PRKG1: variants seen among roughly 807,000 people sequenced by gnomAD.
PRKG1 encodes the protein cGMP-dependent protein kinase 1.
In PRKG1, 35 loss-of-function variants were observed where a neutral mutation model predicts 88.1. The observed-to-expected ratio is 0.40, with a 90% CI of 0.30 to 0.53. The LOEUF (loss-of-function observed/expected upper bound fraction) is 0.53. PRKG1 is among the 20% of genes least tolerant of loss of function. The probability of loss-of-function intolerance (pLI) is 0.59; values close to 1 mark genes in which losing one functional copy is unlikely to be tolerated. For synonymous variants in PRKG1, 303 were observed against 292.5 expected, an observed-to-expected ratio of 1.04 and a Z score of -0.37; for missense variants, 540 against 839.8, an observed-to-expected ratio of 0.64 and a Z score of 4.41.
intron 3 of PRKG1, among the ~76,000 whole-genome samples, chr10:51,511,987 C>T (rs1841425361): frequency 2.0e-5 from 3 of 151,984 alleles, no homozygotes; most frequent in Non-Finnish European, 1.5e-5. Context: ...CTCAAATGAA[C>T]TAAAAAATAG....
chr10:51,976,294 C>A (rs1489796751), intron 5 of PRKG1, among the ~76,000 whole-genome samples: 7 of 151,952 alleles, frequency 4.6e-5, no homozygotes, highest in Admixed American at 3.9e-4. Flanking sequence ...CACACAAAAA[C>A]TTCTACATGG....
intron 4 of PRKG1, among the ~76,000 whole-genome samples, chr10:51,904,222 G>A (rs1464495163): frequency 6.6e-6 from 1 of 151,916 alleles, no homozygotes; most frequent in African/African-American, 2.4e-5. Flanking sequence ...CATGTAAATT[G>A]TTACAATAAA....
intron 2 of PRKG1, among the ~76,000 whole-genome samples, chr10:51,249,086 A>C (rs1248739678): frequency 2.6e-5 from 4 of 151,810 alleles, no homozygotes; most frequent in African/African-American, 7.2e-5. Flanking sequence ...AAACATGATA[A>C]ATTTTTTTAA....
chr10:52,260,066 G>T (rs1841397858), intron 10 of PRKG1, among the ~76,000 whole-genome samples: 1 of 151,746 alleles, frequency 6.6e-6, no homozygotes, highest in Non-Finnish European at 1.5e-5. Context: ...TTCAATGGTT[G>T]GCAGGTTCTC....
At chr10:51,616,435 T>C (rs961193737) in intron 3 of PRKG1, among the ~76,000 whole-genome samples, 1 of 152,142 alleles carries the variant, frequency 6.6e-6, no homozygotes, top group African/African-American at 2.4e-5. Context: ...CAGTGCATGC[T>C]TGTGTTGACA....
rs557411061 is a variant in PRKG1 at position 51,760,575 on chromosome 10, G to A, written c.593-44010G>A. On this transcript the variant is annotated intron_variant, in intron 3 of 17. Coordinates refer to ENST00000373980, the MANE Select transcript of PRKG1 (RefSeq NM_006258.4). ...CAATCTCTGCCTCCCGGGTTCAAACGATTCTCCTGCCTCAGCCTCCCAAGT... is the reference window on the plus strand; with the variant it reads ...CAATCTCTGCCTCCCGGGTTCAAACAATTCTCCTGCCTCAGCCTCCCAAGT... Among the ~76,000 whole-genome samples the A allele has an allele frequency of 2.7e-4, 41 of 150,288 alleles. No homozygotes were observed. In the South Asian group the frequency reaches 7.8e-3, roughly 29 times the overall value.
intron 3 of PRKG1, among the ~76,000 whole-genome samples, chr10:51,706,128 C>T (rs1038859861): frequency 6.6e-6 from 1 of 152,204 alleles, no homozygotes; most frequent in Non-Finnish European, 1.5e-5. Context: ...AGTTAAACTT[C>T]ACCTAAAGAC....
chr10:51,469,548 A>G (rs1839993478), intron 3 of PRKG1, among the ~76,000 whole-genome samples: 2 of 151,872 alleles, frequency 1.3e-5, no homozygotes, highest in African/African-American at 4.8e-5. Context: ...TTAGAGTTCT[A>G]TATAATGATG....
chr10:51,476,137 A>G (rs1840186801), intron 3 of PRKG1, among the ~76,000 whole-genome samples: 1 of 152,010 alleles, frequency 6.6e-6, no homozygotes, highest in African/African-American at 2.4e-5. Context: ...TGCTTTCAAT[A>G]GTTAGAAGAT....
chr10:52,127,885 C>T (rs1191758278), intron 7 of PRKG1, among the ~76,000 whole-genome samples: 1 of 152,110 alleles, frequency 6.6e-6, no homozygotes, highest in Non-Finnish European at 1.5e-5. Flanking sequence ...AGTGATTGAC[C>T]TGATATGACT....
At chr10:51,777,722 A>C (rs1838477353) in intron 3 of PRKG1, among the ~76,000 whole-genome samples, 1 of 152,178 alleles carries the variant, frequency 6.6e-6, no homozygotes, top group South Asian at 2.1e-4. Flanking sequence ...TTATAGCACC[A>C]TACAGAATAG....
intron 3 of PRKG1, among the ~76,000 whole-genome samples, chr10:51,737,758 T>TATTATTATC (rs1837326364): frequency 6.9e-6 from 1 of 144,952 alleles, no homozygotes; most frequent in Non-Finnish European, 1.5e-5. Flanking sequence ...TTATTATTAT[T>TATTATTATC]ATTATTATTA....
chr10:52,289,093 G>T, intron 16 of PRKG1, 100 bp downstream of exon 16: 1 of 1,170,948 alleles, frequency 8.5e-7, no homozygotes, highest in South Asian at 1.4e-5. Flanking sequence ...TAGCCTATAG[G>T]AACATCCAAA....
chr10:51,097,008 C>G (rs1844546273), intron 1 of PRKG1, among the ~76,000 whole-genome samples: 1 of 152,168 alleles, frequency 6.6e-6, no homozygotes. Flanking sequence ...GTTCCCTCTA[C>G]CCCAGGTTCC....
chr10:51,799,875 C>G (rs779245838), intron 3 of PRKG1, among the ~76,000 whole-genome samples: 1 of 151,798 alleles, frequency 6.6e-6, no homozygotes, highest in Non-Finnish European at 1.5e-5. Context: ...ATGGAATCCT[C>G]TAAGAGTAAT....
intron 2 of PRKG1, among the ~76,000 whole-genome samples, chr10:51,300,356 T>C (rs1840850721): frequency 6.6e-6 from 1 of 152,220 alleles, no homozygotes; most frequent in Admixed American, 6.5e-5. Flanking sequence ...TAGTATATTA[T>C]AGTGGTATCA....
chr10:51,972,196 G>A (rs1235532577), intron 5 of PRKG1, among the ~76,000 whole-genome samples: 2 of 151,918 alleles, frequency 1.3e-5, no homozygotes, highest in Admixed American at 1.3e-4. Flanking sequence ...TACATAAATG[G>A]TCCTATACTT....
intron 2 of PRKG1, among the ~76,000 whole-genome samples, chr10:51,423,402 C>T (rs1838475188): frequency 6.6e-6 from 1 of 152,170 alleles, no homozygotes; most frequent in Admixed American, 6.5e-5. Context: ...CTTCATATCT[C>T]TTTGTCTTCC....
intron 4 of PRKG1, among the ~76,000 whole-genome samples, chr10:51,858,354 T>TA (rs1840763156): frequency 1.2e-4 from 5 of 40,784 alleles, no homozygotes; most frequent in East Asian, 3.8e-4. Context: ...ATATAAAATA[T>TA]ATATATTATA....
Sources: allele counts gnomAD v4.1 joint callset (sites outside exome capture counted in the v4.1 genomes callset), GRCh38; gene constraint gnomAD v4.1.1; transcripts MANE v1.5; gene names NCBI Gene and HGNC (gene_info 2026-07-23, HGNC 2026-07-21).